Variants in TLL1 observed in about 807,000 individuals in gnomAD.
TLL1 encodes the protein tolloid-like protein 1.
Under a neutral mutation model 128.2 loss-of-function variants are expected in TLL1, and 49 were observed. That is an observed-to-expected ratio of 0.38 (90% confidence interval 0.30 to 0.48). The LOEUF is 0.48. Among genes scored for constraint, TLL1 ranks in the 20% least tolerant of loss-of-function variants. TLL1 has a pLI of 0.96. For synonymous variants in TLL1, 454 were observed against 418.8 expected (o/e 1.08, Z -1.03); for missense variants, 1,123 against 1,242.0 (o/e 0.90, Z 1.44).
chr4:165,890,978 G>T (rs887563725), intron 1 of TLL1, among the ~76,000 whole-genome samples: 26 of 152,168 alleles, frequency 1.7e-4, no homozygotes, highest in Non-Finnish European at 1.2e-4. Context: ...CTAGGCAGAG[G>T]TTCCCAGACC....
At position 165,984,210 on chromosome 4, in the gene TLL1, TTG is replaced by T. The variant is rs530690853; in HGVS notation, c.170-5169_170-5168del. Among the ~76,000 whole-genome samples, 12 of 151,988 alleles carry T rather than the reference TTG, an allele frequency of 7.9e-5. 1 individual carries two copies. The highest frequency in any genetic ancestry group is 7.9e-4 in the Admixed American group (12 of 15,212). ...GTTTCTGATTCTATATAAAATATGT[TTG>T]TATTTATTTTTCTATTGTATCAAGA... On this transcript the variant is annotated intron_variant, in intron 1 of 20. Coordinates refer to ENST00000061240, the MANE Select transcript of TLL1 (RefSeq NM_012464.5).
chr4:166,030,473 A>T (rs1353498355), intron 9 of TLL1: 1 of 611,130 alleles, frequency 1.6e-6, no homozygotes, highest in South Asian at 2.0e-5. Context: ...CACTCTGTTG[A>T]TTGTGTCTTC....
chr4:165,884,120 G>A (rs1036014191), intron 1 of TLL1, among the ~76,000 whole-genome samples: 2 of 152,094 alleles, frequency 1.3e-5, no homozygotes, highest in African/African-American at 4.8e-5. Flanking sequence ...TCTTATGAAG[G>A]AAACATAGAT....
chr4:166,015,658 C>G (rs1285031530), intron 8 of TLL1, among the ~76,000 whole-genome samples: 1 of 151,850 alleles, frequency 6.6e-6, no homozygotes, highest in African/African-American at 2.4e-5. Context: ...AGATAAAACT[C>G]AAGTGCAAGC....
At position 165,992,854 on chromosome 4, in the gene TLL1, C is replaced by T; in HGVS notation, c.331C>T (p.Leu111Phe). ...MSKKRGALYQ[L>F]IDRIRRIGFG... The stretch of plus-strand genomic sequence containing the variant: ...AAAGAAGCGAGGGGCCCTCTACCAA[C>T]TTATAGACAGGATAAGAAGAATTGG... The change falls in exon 3 of 21, where the codon CTT becomes TTT. Residue 111 changes from leucine (L) to phenylalanine (F), a missense_variant. By Grantham distance (22) the Leu-to-Phe change is conservative. Coordinates refer to ENST00000061240, the MANE Select transcript of TLL1 (RefSeq NM_012464.5). 2 of 1,613,288 alleles carry T rather than the reference C, an allele frequency of 1.2e-6. No individual in the cohort carries two copies. Among genetic ancestry groups the T allele is most frequent in the Non-Finnish European group, 1.7e-6 (2 of 1,179,432 alleles).
At chr4:166,000,298 T>C (rs1466198282) in intron 5 of TLL1, among the ~76,000 whole-genome samples, 2 of 152,232 alleles carry the variant, frequency 1.3e-5, no homozygotes, top group African/African-American at 4.8e-5. Flanking sequence ...TGTCTAAGCA[T>C]ATATGTAGTT....
intron 8 of TLL1, 49 bp from the exon 9 acceptor site, chr4:166,025,267 G>A (rs201749534): frequency 4.4e-5 from 58 of 1,322,824 alleles, no homozygotes; most frequent in East Asian, 2.1e-4. Context: ...TGATATTCAC[G>A]TATTTTATAT....
At chr4:165,888,557 T>G (rs1011227044) in intron 1 of TLL1, among the ~76,000 whole-genome samples, 6 of 151,932 alleles carry the variant, frequency 3.9e-5, no homozygotes, top group African/African-American at 1.4e-4. Flanking sequence ...GGAAAATATT[T>G]TTTTTTTTTG....
At chr4:166,018,488 A>G (rs1738057615) in intron 8 of TLL1, among the ~76,000 whole-genome samples, 1 of 152,166 alleles carries the variant, frequency 6.6e-6, no homozygotes, top group Admixed American at 6.6e-5. Flanking sequence ...TCTACACTGC[A>G]AAAGAAACTA....
chr4:166,081,516 G>A (rs990151859), intron 18 of TLL1, among the ~76,000 whole-genome samples: 14 of 152,084 alleles, frequency 9.2e-5, no homozygotes, highest in Non-Finnish European at 5.9e-5. Flanking sequence ...AGCTCCCCTC[G>A]TATCTGCAGT....
intron 8 of TLL1, among the ~76,000 whole-genome samples, chr4:166,015,913 A>T (rs1178849280): frequency 6.6e-6 from 1 of 151,528 alleles, no homozygotes; most frequent in Non-Finnish European, 1.5e-5. Context: ...TAGGACTATT[A>T]AGTTTTAAAA....
chr4:165,881,288 A>T (rs762188922), intron 1 of TLL1, among the ~76,000 whole-genome samples: 24 of 152,156 alleles, frequency 1.6e-4, no homozygotes, highest in Non-Finnish European at 3.1e-4. Context: ...ACATCATAAC[A>T]TAGTTTACAT....
intron 12 of TLL1, among the ~76,000 whole-genome samples, chr4:166,047,538 A>T (rs2111100373): frequency 6.7e-6 from 1 of 150,314 alleles, no homozygotes; most frequent in Non-Finnish European, 1.5e-5. Flanking sequence ...TATTCTTCAG[A>T]TATAAGGACC....
At chr4:165,955,834 C>A (rs1288696448) in intron 1 of TLL1, among the ~76,000 whole-genome samples, 1 of 152,090 alleles carries the variant, frequency 6.6e-6, no homozygotes, top group Non-Finnish European at 1.5e-5. Flanking sequence ...ATCAGGGTAA[C>A]CTGCCCCCAA....
chr4:165,926,822 A>G (rs1303379351), intron 1 of TLL1, among the ~76,000 whole-genome samples: 1 of 152,198 alleles, frequency 6.6e-6, no homozygotes, highest in African/African-American at 2.4e-5. Flanking sequence ...CAGTAATGGA[A>G]GTTCCTGGTT....
At chr4:165,884,485 T>C (rs550022295) in intron 1 of TLL1, among the ~76,000 whole-genome samples, 3 of 152,328 alleles carry the variant, frequency 2.0e-5, no homozygotes, top group East Asian at 1.9e-4. Flanking sequence ...TATGCAGATA[T>C]TTGGAAGTAG....
At chr4:166,066,505 A>T (rs2111126788) in intron 16 of TLL1, among the ~76,000 whole-genome samples, 1 of 152,020 alleles carries the variant, frequency 6.6e-6, no homozygotes, top group South Asian at 2.1e-4. Context: ...CTTCCAAAGT[A>T]GATAAAATTG....
intron 13 of TLL1, 43 bp from the exon 14 acceptor site, chr4:166,057,141 A>G (rs767481179): frequency 6.2e-7 from 1 of 1,607,300 alleles, no homozygotes; most frequent in South Asian, 1.1e-5. Context: ...ACATACACAC[A>G]TATATATGTA....
At chr4:166,021,930 T>G (rs555545069) in intron 8 of TLL1, among the ~76,000 whole-genome samples, 3 of 152,196 alleles carry the variant, frequency 2.0e-5, no homozygotes, top group Non-Finnish European at 4.4e-5. Context: ...TATTGGTGCT[T>G]CGTTTTAAAG....
Sources: gnomAD v4.1 joint callset for allele counts (sites outside exome capture counted in the v4.1 genomes callset) on GRCh38, gnomAD v4.1.1 for gene constraint, MANE v1.5 for transcripts, NCBI Gene and HGNC (gene_info 2026-07-23, HGNC 2026-07-21) for gene names.